The following CLIP2 variants were observed in gnomAD, a reference collection of about 807,000 sequenced individuals.
The protein encoded by CLIP2 is CAP-Gly domain-containing linker protein 2.
CLIP2 carries 41 observed loss-of-function variants against 111.7 expected under a neutral mutation model. The observed-to-expected ratio is 0.37, with a 90% CI of 0.29 to 0.48. The LOEUF (loss-of-function observed/expected upper bound fraction) is 0.48, where lower values mean the gene tolerates loss of function less well. Ranked by LOEUF, CLIP2 falls within the 20% of genes least tolerant of loss-of-function variation. The pLI is 0.99. For missense variants in CLIP2, 1,160 were observed against 1,422.1 expected (o/e 0.82, Z 2.96); for synonymous variants, 660 against 644.2 (o/e 1.02, Z -0.37).
intron 1 of CLIP2, among the ~76,000 whole-genome samples, chr7:74,291,813 A>C (rs1788027875): frequency 1.3e-5 from 2 of 151,898 alleles, no homozygotes; most frequent in Admixed American, 6.6e-5. Context: ...ATCTCCCCAC[A>C]GCCCCAGTTG....
intron 1 of CLIP2, among the ~76,000 whole-genome samples, chr7:74,300,207 G>A (rs1396374134): frequency 4.6e-5 from 7 of 151,582 alleles, no homozygotes; most frequent in African/African-American, 1.7e-4. Flanking sequence ...GGCTGGTCTC[G>A]AACTCCTGAC....
chr7:74,314,245 T>C (rs111435141), intron 1 of CLIP2, among the ~76,000 whole-genome samples: 3,480 of 150,462 alleles, frequency 0.023, 152 homozygotes, highest in African/African-American at 0.082. Flanking sequence ...AATCCCTGCA[T>C]TGTGGGAGGC....
intron 2 of CLIP2, among the ~76,000 whole-genome samples, chr7:74,330,183 C>A (rs552010051): frequency 3.5e-4 from 53 of 152,108 alleles, no homozygotes; most frequent in African/African-American, 1.1e-3. Context: ...CCTGCCTCAG[C>A]CTCCTCAGTA....
chr7:74,403,527 C>T (rs1049660854), intron 16 of CLIP2, among the ~76,000 whole-genome samples: 2 of 152,200 alleles, frequency 1.3e-5, no homozygotes, highest in Non-Finnish European at 2.9e-5. Flanking sequence ...TGAGATCAGA[C>T]CACTGCACTC....
rs367722388 is a variant in CLIP2 at position 74,360,128 on chromosome 7, T to C, written c.1216-47T>C. The C allele has an allele frequency of 1.2e-4, 175 of 1,494,518 alleles. 1 individual carries two copies. Among genetic ancestry groups the C allele is most frequent in the Non-Finnish European group, 2.4e-5 (26 of 1,101,852 alleles). 92.6% of individuals were successfully genotyped at this position (1,494,518 alleles called of 1,614,324 possible). On this transcript the variant is annotated intron_variant, in intron 6 of 16. Coordinates refer to ENST00000223398, the MANE Select transcript of CLIP2 (RefSeq NM_003388.5). ...CACCACACCACCAACCTGGACCCCA[T>C]ACCCCGGAGCATGCTGACCCTGTCC...
chr7:74,390,164 AGAAAGAAAGAAAGAAAGAAAGAAAGAAAG>A (rs782598113), intron 13 of CLIP2, among the ~76,000 whole-genome samples: 10 of 106,688 alleles, frequency 9.4e-5, no homozygotes, highest in African/African-American at 1.9e-4. Context: ...GAAAGAAAGA[AGAAAGAAAGAAAGAAAGAAAGAAAGAAAG>A]AAAGAAAGAA....
chr7:74,396,859 G>C (rs150046971), intron 13 of CLIP2, among the ~76,000 whole-genome samples: 1 of 151,870 alleles, frequency 6.6e-6, no homozygotes, highest in African/African-American at 2.4e-5. Context: ...TCTAGGAAAG[G>C]TCAAGTCCTC....
chr7:74,401,953 C>G (rs1211064776), intron 16 of CLIP2, among the ~76,000 whole-genome samples: 1 of 150,800 alleles, frequency 6.6e-6, no homozygotes, highest in African/African-American at 2.4e-5. Flanking sequence ...GAGACCCTCT[C>G]TCTATTAAAA....
intron 3 of CLIP2, among the ~76,000 whole-genome samples, chr7:74,347,882 G>A (rs1789848134): frequency 6.6e-6 from 1 of 152,148 alleles, no homozygotes; most frequent in Admixed American, 6.6e-5. Context: ...TCAGGAACTA[G>A]AACAGAAAGG....
At chr7:74,311,568 T>G (rs1788640373) in intron 1 of CLIP2, among the ~76,000 whole-genome samples, 1 of 152,134 alleles carries the variant, frequency 6.6e-6, no homozygotes, top group Non-Finnish European at 1.5e-5. Flanking sequence ...CCATTTTTAA[T>G]TGGGTTGTTG....
At chr7:74,336,846 T>G (rs1263539472) in intron 2 of CLIP2, among the ~76,000 whole-genome samples, 8 of 26,754 alleles carry the variant, frequency 3.0e-4, no homozygotes, top group Non-Finnish European at 4.1e-4. Flanking sequence ...TTACTATGGT[T>G]GTTTGTTTTT....
intron 2 of CLIP2, among the ~76,000 whole-genome samples, chr7:74,328,197 A>G (rs1789172046): frequency 6.6e-6 from 1 of 152,066 alleles, no homozygotes; most frequent in Non-Finnish European, 1.5e-5. Context: ...TGAGGGGTGG[A>G]AACAGGTTGG....
At chr7:74,323,219 T>C (rs1178541843) in intron 2 of CLIP2, among the ~76,000 whole-genome samples, 1 of 151,714 alleles carries the variant, frequency 6.6e-6, no homozygotes, top group Non-Finnish European at 1.5e-5. Flanking sequence ...CATGCGATCC[T>C]CTTGCCTTGG....
chr7:74,374,367 C>G (rs138529240), intron 9 of CLIP2, among the ~76,000 whole-genome samples: 2 of 152,320 alleles, frequency 1.3e-5, no homozygotes, highest in Non-Finnish European at 2.9e-5. Context: ...CACGGCGGAC[C>G]GGCCGGAGCC....
At chr7:74,318,500 G>A (rs962203815) in intron 2 of CLIP2, among the ~76,000 whole-genome samples, 8 of 152,070 alleles carry the variant, frequency 5.3e-5, no homozygotes, top group African/African-American at 1.9e-4. Context: ...ATCACTTGAG[G>A]TCAGGAGTTC....
At chr7:74,393,039 T>C (rs1791339563) in intron 13 of CLIP2, among the ~76,000 whole-genome samples, 1 of 150,120 alleles carries the variant, frequency 6.7e-6, no homozygotes, top group Admixed American at 6.6e-5. Context: ...ATTTGCTTTT[T>C]TTTTTTTTTT....
chr7:74,388,386 G>T (rs1791181092), intron 12 of CLIP2, among the ~76,000 whole-genome samples: 1 of 152,016 alleles, frequency 6.6e-6, no homozygotes. Flanking sequence ...TGTAATCTCA[G>T]CTACTTGGGA....
chr7:74,366,956 C>T (rs201310550), intron 8 of CLIP2, among the ~76,000 whole-genome samples: 1 of 151,722 alleles, frequency 6.6e-6, no homozygotes, highest in African/African-American at 2.4e-5. Flanking sequence ...GGAGGATTGC[C>T]GGCAGCCCCT....
intron 1 of CLIP2, among the ~76,000 whole-genome samples, chr7:74,291,396 C>G (rs1224173401): frequency 6.6e-6 from 1 of 152,240 alleles, no homozygotes; most frequent in Non-Finnish European, 1.5e-5. Flanking sequence ...TTTCCGGCAT[C>G]TGCTGTCTAC....
Sources: gnomAD v4.1 joint callset for allele counts (sites outside exome capture counted in the v4.1 genomes callset) on GRCh38, gnomAD v4.1.1 for gene constraint, MANE v1.5 for transcripts, NCBI Gene and HGNC (gene_info 2026-07-23, HGNC 2026-07-21) for gene names.